Variants in ACOXL observed in about 807,000 individuals in gnomAD.
ACOXL encodes acyl-coenzyme A oxidase-like protein.
ACOXL carries 70 observed loss-of-function variants against 71.9 expected under a neutral mutation model. The ratio of observed to expected loss-of-function variants is 0.97; its 90% CI spans 0.80 to 1.19. The LOEUF (loss-of-function observed/expected upper bound fraction) is 1.19, where lower values mean the gene tolerates loss of function less well. Ranked by LOEUF, ACOXL falls within the 50% of genes most tolerant of loss-of-function variation. The pLI is 0.00. For synonymous variants in ACOXL, 253 were observed against 281.6 expected, an observed-to-expected ratio of 0.90 and a Z score of 1.02; for missense variants, 703 against 736.3, an observed-to-expected ratio of 0.95 and a Z score of 0.52.
chr2:110,977,509 A>T (rs2149511172), intron 12 of ACOXL, among the ~76,000 whole-genome samples: 1 of 152,316 alleles, frequency 6.6e-6, no homozygotes, highest in South Asian at 2.1e-4. Context: ...CCAACTCATG[A>T]TGCACACAAA....
chr2:111,042,493 G>A (rs1033044665), intron 15 of ACOXL, among the ~76,000 whole-genome samples: 9 of 152,220 alleles, frequency 5.9e-5, no homozygotes, highest in Non-Finnish European at 1.0e-4. Flanking sequence ...AGGTGGGGAC[G>A]TGGCTCTGCA....
chr2:110,888,489 A>G (rs916769610), intron 10 of ACOXL, among the ~76,000 whole-genome samples: 25 of 152,248 alleles, frequency 1.6e-4, no homozygotes, highest in African/African-American at 6.0e-4. Context: ...CTTAAACACA[A>G]CACTCCATGA....
intron 11 of ACOXL, among the ~76,000 whole-genome samples, chr2:110,915,236 CAT>C (rs1170676017): frequency 1.3e-5 from 2 of 150,876 alleles, no homozygotes; most frequent in South Asian, 2.1e-4. Context: ...TTTAGATAGT[CAT>C]GTGATTTTTC....
At chr2:111,086,982 A>T (rs1331074655) in intron 16 of ACOXL, among the ~76,000 whole-genome samples, 1 of 152,194 alleles carries the variant, frequency 6.6e-6, no homozygotes, top group Non-Finnish European at 1.5e-5. Flanking sequence ...AACATATAAA[A>T]ATCAGTAGCA....
chr2:110,795,208 G>C (rs1258728954), intron 5 of ACOXL, among the ~76,000 whole-genome samples: 1 of 152,136 alleles, frequency 6.6e-6, no homozygotes, highest in Non-Finnish European at 1.5e-5. Flanking sequence ...TTTTGTTAGC[G>C]GGGTTTCCTG....
intron 13 of ACOXL, among the ~76,000 whole-genome samples, chr2:110,991,299 TTTG>T (rs1245271499): frequency 6.6e-6 from 1 of 152,202 alleles, no homozygotes; most frequent in South Asian, 2.1e-4. Flanking sequence ...TTCTCCTTTC[TTTG>T]TTGTTGTTGC....
intron 1 of ACOXL, among the ~76,000 whole-genome samples, chr2:110,765,368 T>C (rs1031230214): frequency 6.6e-6 from 1 of 152,192 alleles, no homozygotes; most frequent in Non-Finnish European, 1.5e-5. Flanking sequence ...TATACTACTT[T>C]TTTGGTCCAG....
rs566049551 is a variant in ACOXL at position 110,924,740 on chromosome 2, C to G, written c.906-8749C>G. ...AAGTCATCCATGAGGGTTGGAACAT[C>G]AACTTCTTCTGAACTGCTAATGTTG... On this transcript the variant is annotated intron_variant, in intron 11 of 17. Transcript: ENST00000439055. Among the ~76,000 whole-genome samples, 3 of 135,586 alleles carry G rather than the reference C, an allele frequency of 2.2e-5. No individual in the cohort carries two copies. In the South Asian group the frequency reaches 7.7e-4, roughly 35 times the overall value. 88.9% of individuals were successfully genotyped at this position (135,586 alleles called of 152,430 possible). A position where few individuals can be genotyped will look rare whatever the true frequency, so the allele number is the denominator to read the frequency against.
At chr2:110,757,146 T>A (rs1679810136) in intron 1 of ACOXL, among the ~76,000 whole-genome samples, 1 of 152,220 alleles carries the variant, frequency 6.6e-6, no homozygotes, top group Non-Finnish European at 1.5e-5. Flanking sequence ...TGAGAACATG[T>A]GCTGTTTTGG....
chr2:111,075,685 T>C (rs1343415111), intron 16 of ACOXL, among the ~76,000 whole-genome samples: 1 of 152,080 alleles, frequency 6.6e-6, no homozygotes, highest in Non-Finnish European at 1.5e-5. Context: ...TTTCTTCTTT[T>C]CTCTTGTAAG....
chr2:111,103,028 C>T (rs957966507), intron 17 of ACOXL, among the ~76,000 whole-genome samples: 11 of 152,158 alleles, frequency 7.2e-5, no homozygotes, highest in Admixed American at 1.3e-4. Context: ...CTGTGGCTCA[C>T]GCCTGTAATC....
chr2:110,733,216 C>G (rs1676405123), intron 1 of ACOXL: 1 of 152,588 alleles, frequency 6.6e-6, no homozygotes, highest in African/African-American at 2.4e-5. Context: ...TGGAGTGGCC[C>G]TGTCCAGGGC....
chr2:110,737,020 G>A (rs769886354), intron 1 of ACOXL, among the ~76,000 whole-genome samples: 7 of 152,106 alleles, frequency 4.6e-5, no homozygotes, highest in South Asian at 2.1e-4. Flanking sequence ...TGGTTTTTCC[G>A]CATTTTTCTA....
chr2:110,811,326 T>G (rs963119211), intron 9 of ACOXL, among the ~76,000 whole-genome samples: 1 of 151,964 alleles, frequency 6.6e-6, no homozygotes, highest in African/African-American at 2.4e-5. Context: ...GGGGGGTCAG[T>G]GTGGGGACTG....
chr2:110,877,039 G>C (rs551872669), intron 10 of ACOXL, among the ~76,000 whole-genome samples: 1 of 152,344 alleles, frequency 6.6e-6, no homozygotes, highest in Admixed American at 6.5e-5. Context: ...TGTGCCTGGT[G>C]GTGGCCCTGT....
At chr2:110,829,351 C>T (rs781216614) in intron 9 of ACOXL, among the ~76,000 whole-genome samples, 8 of 152,162 alleles carry the variant, frequency 5.3e-5, no homozygotes, top group Non-Finnish European at 7.3e-5. Context: ...TGGTCTCCTG[C>T]CTTACTGATA....
intron 11 of ACOXL, among the ~76,000 whole-genome samples, chr2:110,915,348 ATATGTGTGTG>A (rs1240619461): frequency 2.4e-5 from 3 of 127,150 alleles, no homozygotes; most frequent in Non-Finnish European, 3.3e-5. Flanking sequence ...ATATATATAT[ATATGTGTGTG>A]TGTGTGTGTG....
At chr2:110,818,758 A>G (rs1341160488) in intron 9 of ACOXL, among the ~76,000 whole-genome samples, 1 of 152,064 alleles carries the variant, frequency 6.6e-6, no homozygotes, top group East Asian at 1.9e-4. Flanking sequence ...GAACATAGAA[A>G]TTCCTTCCCT....
intron 10 of ACOXL, among the ~76,000 whole-genome samples, chr2:110,907,438 AT>A (rs559393316): frequency 6.6e-6 from 1 of 151,334 alleles, no homozygotes; most frequent in Non-Finnish European, 1.5e-5. Context: ...TGGCTTTGGG[AT>A]TTTTTTTTGT....
Sources: allele counts gnomAD v4.1 joint callset (sites outside exome capture counted in the v4.1 genomes callset), GRCh38; gene constraint gnomAD v4.1.1; transcripts MANE v1.5; gene names NCBI Gene and HGNC (gene_info 2026-07-23, HGNC 2026-07-21).